The following C2CD3 variants were observed in gnomAD, a reference collection of about 807,000 sequenced individuals.
The protein encoded by C2CD3 is C2 domain-containing protein 3.
In C2CD3, 148 loss-of-function variants were observed where a neutral mutation model predicts 234.0. That is an observed-to-expected ratio of 0.63 (90% CI 0.55 to 0.72). The LOEUF (loss-of-function observed/expected upper bound fraction) is 0.72, where lower values mean the gene tolerates loss of function less well. Among genes scored for constraint, C2CD3 ranks in the 30% least tolerant of loss-of-function variants. The probability of loss-of-function intolerance (pLI) is 0.00; values close to 1 mark genes in which losing one functional copy is unlikely to be tolerated. For synonymous variants in C2CD3, 1,000 were observed against 1,035.4 expected (o/e 0.97, Z 0.66); for missense variants, 2,577 against 2,811.5 (o/e 0.92, Z 1.89).
At chr11:74,150,522 A>ACC (rs1217797296) in intron 3 of C2CD3, among the ~76,000 whole-genome samples, 1 of 63,540 alleles carries the variant, frequency 1.6e-5, no homozygotes, top group Admixed American at 1.6e-4. Context: ...AAAACAAAAA[A>ACC]AAAACAAAAC....
At chr11:74,048,635 A>G (rs1415068615) in intron 27 of C2CD3, among the ~76,000 whole-genome samples, 1 of 152,162 alleles carries the variant, frequency 6.6e-6, no homozygotes, top group Admixed American at 6.5e-5. Context: ...AATGGATATC[A>G]TTTTACATTT....
intron 26 of C2CD3, among the ~76,000 whole-genome samples, chr11:74,054,039 G>A (rs147253916): frequency 0.042 from 6,351 of 152,116 alleles, 442 homozygotes; most frequent in African/African-American, 0.14. Flanking sequence ...TTGGGAGGCC[G>A]AGGCGGGTGG....
chr11:74,033,659 A>AC lies in C2CD3; in HGVS notation c.6500_6501insG (p.Ala2168CysfsTer43). 1 of 1,536,208 alleles carries AC rather than the reference A, an allele frequency of 6.5e-7. No individual in the cohort carries two copies. Among genetic ancestry groups the AC allele is most frequent in the South Asian group, 1.2e-5 (1 of 84,064 alleles). ...GGATGGGCTGAGGGTTGGCTGAGGC[A>AC]GACTCGCCACCAACCCTGGCCTTAG... On this transcript the variant is annotated frameshift_variant, in exon 31 of 33. Transcript: ENST00000334126. LOFTEE classifies it high-confidence loss of function.
chr11:74,111,977 TATAC>T (rs1189220032), intron 11 of C2CD3, among the ~76,000 whole-genome samples: 1 of 149,174 alleles, frequency 6.7e-6, no homozygotes, highest in African/African-American at 2.5e-5. Context: ...CACATATATA[TATAC>T]ACACACACAT....
Position 74,049,334 on chromosome 11 carries a change from T to C in C2CD3, c.5361+3A>G. The C allele has an allele frequency of 6.2e-7, 1 of 1,612,552 alleles. No homozygotes were observed. Among genetic ancestry groups the C allele is most frequent in the Non-Finnish European group, 8.5e-7 (1 of 1,178,534 alleles). On this transcript the variant is annotated splice_donor_region_variant and intron_variant, in intron 27 of 32. Transcript: ENST00000334126. ...GGTTAGGGATGTGAATCTCCATACATACCAGTGATTTTGAGGTCTCCACTC... is the reference window on the plus strand; with the variant it reads ...GGTTAGGGATGTGAATCTCCATACACACCAGTGATTTTGAGGTCTCCACTC...
At chr11:74,044,701 T>G (rs1953270279) in intron 28 of C2CD3, among the ~76,000 whole-genome samples, 2 of 152,176 alleles carry the variant, frequency 1.3e-5, no homozygotes, top group African/African-American at 4.8e-5. Flanking sequence ...ACTTTTGTCC[T>G]CCTCCCTTTC....
At chr11:74,101,885 T>G (rs1175391237) in intron 14 of C2CD3, among the ~76,000 whole-genome samples, 1 of 151,910 alleles carries the variant, frequency 6.6e-6, no homozygotes, top group East Asian at 1.9e-4. Flanking sequence ...GGATTTACAT[T>G]CCATCTTGAA....
intron 32 of C2CD3, among the ~76,000 whole-genome samples, chr11:74,018,705 C>G (rs1951967690): frequency 6.6e-6 from 1 of 152,128 alleles, no homozygotes; most frequent in African/African-American, 2.4e-5. Flanking sequence ...CAGAGAGCAG[C>G]AAACTCAGCA....
intron 3 of C2CD3, among the ~76,000 whole-genome samples, chr11:74,141,295 G>C (rs1240793143): frequency 6.6e-6 from 1 of 152,186 alleles, no homozygotes; most frequent in African/African-American, 2.4e-5. Context: ...TCATCATGAA[G>C]ATCTTTGTAC....
chr11:74,116,910 GTA>G (rs1364688465), intron 9 of C2CD3, among the ~76,000 whole-genome samples: 11 of 109,904 alleles, frequency 1.0e-4, no homozygotes, highest in Middle Eastern at 5.3e-3. Flanking sequence ...ACACGTGTAT[GTA>G]TATATACATA....
chr11:74,168,553 C>G lies in C2CD3; in HGVS notation c.116G>C (p.Cys39Ser). 1 of 1,614,206 alleles carries G rather than the reference C, an allele frequency of 6.2e-7. No individual in the cohort carries two copies. The highest frequency in any genetic ancestry group is 8.5e-7 in the Non-Finnish European group (1 of 1,180,004). Reference protein sequence around the residue: ...LPPLVEGQLRCFLKLTVNRVI... With the variant: ...LPPLVEGQLRSFLKLTVNRVI... ...TCTATTAACAGTAAGTTTTAGAAAA[C>G]AGCGTAGCTGGCCTTCAACCAGAGG... The change falls in exon 2 of 33, where the codon TGT becomes TCT. Residue 39 changes from cysteine (C) to serine (S), a missense_variant. By Grantham distance (112) the Cys-to-Ser change is moderately radical. Transcript: ENST00000334126.
intron 3 of C2CD3, among the ~76,000 whole-genome samples, chr11:74,158,806 G>A (rs950005324): frequency 5.9e-5 from 9 of 151,912 alleles, no homozygotes; most frequent in African/African-American, 9.7e-5. Flanking sequence ...ATGAGATATC[G>A]TCTCACTCCA....
rs531936862 is a variant in C2CD3, at chr11:74,057,413, G to C, written c.5083C>G (p.Gln1695Glu). 1 of 1,614,082 alleles carries C rather than the reference G, an allele frequency of 6.2e-7. No homozygotes were observed. Among genetic ancestry groups the C allele is most frequent in the East Asian group, 2.2e-5 (1 of 44,876 alleles). ...TDSPIWNFQQ[Q>E]SRLSKELLLD... The stretch of plus-strand genomic sequence containing the variant: ...ATAACGGATAACACAAACCTTGACT[G>C]CTGTTGAAAATTCCAGATGGGGGAA... Residue 1695 changes from glutamine (Q) to glutamate (E), a missense_variant, in exon 25 of 33, where the codon CAG (glutamine) becomes GAG (glutamate). Physicochemically the swap from Gln to Glu is conservative, Grantham distance 29. Coordinates refer to ENST00000334126, the MANE Select transcript of C2CD3 (RefSeq NM_001286577.2).
intron 24 of C2CD3, among the ~76,000 whole-genome samples, chr11:74,061,456 A>T (rs1388430964): frequency 6.6e-6 from 1 of 152,216 alleles, no homozygotes; most frequent in Non-Finnish European, 1.5e-5. Flanking sequence ...GCCAGAAGAG[A>T]GTGGGGGCCA....
intron 30 of C2CD3, chr11:74,036,438 A>G: frequency 2.2e-6 from 1 of 456,082 alleles, no homozygotes; most frequent in South Asian, 1.5e-5. Context: ...GTGGAAGTCA[A>G]ACACAGAGCA....
chr11:74,061,422 G>A (rs891318043), intron 24 of C2CD3, among the ~76,000 whole-genome samples: 18 of 152,216 alleles, frequency 1.2e-4, no homozygotes, highest in Non-Finnish European at 2.4e-4. Flanking sequence ...ACTAACAGCA[G>A]ATCTCTCAGC....
chr11:74,021,214 A>C (rs1212880699), intron 32 of C2CD3, among the ~76,000 whole-genome samples: 1 of 152,122 alleles, frequency 6.6e-6, no homozygotes. Context: ...ACTGCACTCC[A>C]GTCTGGGCAA....
chr11:74,144,080 C>T (rs1473770763), intron 3 of C2CD3, among the ~76,000 whole-genome samples: 2 of 151,774 alleles, frequency 1.3e-5, no homozygotes, highest in African/African-American at 2.4e-5. Context: ...ACAGTAGAAT[C>T]AAAAGGAAAG....
chr11:74,046,292 T>C (rs902966469), intron 28 of C2CD3, among the ~76,000 whole-genome samples: 1 of 152,202 alleles, frequency 6.6e-6, no homozygotes, highest in African/African-American at 2.4e-5. Context: ...TCTGTCACTA[T>C]AGGTTAGGAT....
Sources: gnomAD v4.1 joint callset for allele counts (sites outside exome capture counted in the v4.1 genomes callset) on GRCh38, gnomAD v4.1.1 for gene constraint, MANE v1.5 for transcripts, NCBI Gene and HGNC (gene_info 2026-07-23, HGNC 2026-07-21) for gene names.